ATP6V1A: variants seen among roughly 807,000 people sequenced by gnomAD.
The protein encoded by ATP6V1A is ATPase H+ transporting V1 subunit A, also known as V-type proton ATPase catalytic subunit A.
A neutral mutation model predicts 70.1 loss-of-function variants in ATP6V1A; 18 were observed. That is an observed-to-expected ratio of 0.26 (90% CI 0.18 to 0.38). The LOEUF (loss-of-function observed/expected upper bound fraction) is 0.38. ATP6V1A is among the 10% of genes least tolerant of loss of function. ATP6V1A has a pLI of 1.00. For missense variants in ATP6V1A, 424 were observed against 772.4 expected, an observed-to-expected ratio of 0.55 and a Z score of 5.35; for synonymous variants, 232 against 253.8, an observed-to-expected ratio of 0.91 and a Z score of 0.82.
Position 113,798,390 on chromosome 3 carries a change from A to G in ATP6V1A, c.1438A>G (p.Lys480Glu). The G allele has an allele frequency of 6.2e-7, 1 of 1,614,000 alleles. No individual in the cohort carries two copies. The highest frequency in any genetic ancestry group is 8.5e-7 in the Non-Finnish European group (1 of 1,179,926). The change falls in exon 12 of 15, where the codon AAG becomes GAG. Residue 480 changes from lysine (K) to glutamate (E), a missense_variant. Transcript: ENST00000273398. The part of the protein sequence containing the change: ...TEFVPLRTKA[K>E]EILQEEEDLA... ...GTTCGTTCCTCTGAGGACGAAAGCTAAGGAAATTCTGCAGGAAGAAGAAGA... is the reference window on the plus strand; with the variant it reads ...GTTCGTTCCTCTGAGGACGAAAGCTGAGGAAATTCTGCAGGAAGAAGAAGA...
At chr3:113,757,429 A>G (rs1375667373) in intron 1 of ATP6V1A, among the ~76,000 whole-genome samples, 1 of 152,258 alleles carries the variant, frequency 6.6e-6, no homozygotes, top group African/African-American at 2.4e-5. Flanking sequence ...ATTGAGCCAT[A>G]TCAACTTTGA....
At chr3:113,778,965 A>C in intron 2 of ATP6V1A, 130 bp downstream of exon 2, 87 of 560,918 alleles carry the variant, frequency 1.6e-4, no homozygotes, top group Middle Eastern at 5.1e-4. Context: ...AGGCGATCTC[A>C]TAGTGACTAT....
intron 6 of ATP6V1A, among the ~76,000 whole-genome samples, chr3:113,787,892 C>A (rs1472167137): frequency 1.3e-5 from 2 of 152,264 alleles, no homozygotes; most frequent in East Asian, 1.9e-4. Context: ...AAAGCGTAAA[C>A]CGTCTCCTAT....
At position 113,786,320 on chromosome 3, in the gene ATP6V1A, C is replaced by T. The variant is rs1359327569; in HGVS notation, c.653C>T (p.Thr218Ile). The T allele has an allele frequency of 6.2e-7, 1 of 1,613,676 alleles. No homozygotes were observed. The highest frequency in any genetic ancestry group is 8.5e-7 in the Non-Finnish European group (1 of 1,179,756). The stretch of plus-strand genomic sequence containing the variant: ...CCTGTACGTCAAGTTCGACCTGTCA[C>T]TGAGAAGCTGCCAGCCAATCATCCT... ...VWPVRQVRPV[T>I]EKLPANHPLL... The change falls in exon 6 of 15, where the codon ACT becomes ATT. Residue 218 changes from threonine (T) to isoleucine (I), a missense_variant. Thr to Ile is a moderately conservative substitution (Grantham distance 89). Around this residue, in one of 9 missense-constraint regions of ATP6V1A, gnomAD observed 22 missense variants for 45.6 expected, o/e 0.48. Coordinates refer to ENST00000273398, the MANE Select transcript of ATP6V1A (RefSeq NM_001690.4).
At chr3:113,795,809 T>C (rs1208390882) in intron 10 of ATP6V1A, 67 bp from the exon 11 acceptor site, 1 of 1,215,462 alleles carries the variant, frequency 8.2e-7, no homozygotes, top group East Asian at 2.5e-5. Flanking sequence ...TTTATATATA[T>C]GTTATTTTTC....
At chr3:113,797,836 A>T (rs1709169770) in intron 11 of ATP6V1A, among the ~76,000 whole-genome samples, 1 of 152,104 alleles carries the variant, frequency 6.6e-6, no homozygotes, top group Admixed American at 6.6e-5. Context: ...TGACCAGTGA[A>T]TTGTAGAATT....
chr3:113,806,101 C>T (rs563277664), intron 14 of ATP6V1A, among the ~76,000 whole-genome samples: 9 of 151,898 alleles, frequency 5.9e-5, no homozygotes, highest in African/African-American at 1.7e-4. Context: ...GTCGAAATCC[C>T]GTCTCTACAA....
At chr3:113,749,455 C>T (rs1399491175) in intron 1 of ATP6V1A, among the ~76,000 whole-genome samples, 1 of 152,108 alleles carries the variant, frequency 6.6e-6, no homozygotes, top group Admixed American at 6.5e-5. Flanking sequence ...GCCCTTGGCA[C>T]TTCTGGTTTT....
rs777283280 is a variant in ATP6V1A, at chr3:113,803,490, G to T, written c.1495-93G>T. The T allele has an allele frequency of 1.4e-4, 128 of 918,272 alleles. 2 individuals are homozygous for T. The highest frequency in any genetic ancestry group is 3.7e-5 in the Non-Finnish European group (22 of 589,222). The allele number at this position is 918,272 out of a possible 1,614,324, so 56.9% of individuals were successfully genotyped here. ...AATTTATTAACAATAGGTGATGGTGGAAACTATATAATAGTTTCTGCTTGT... is the reference window on the plus strand; with the variant it reads ...AATTTATTAACAATAGGTGATGGTGTAAACTATATAATAGTTTCTGCTTGT... On this transcript the variant is annotated intron_variant, in intron 12 of 14. Coordinates refer to ENST00000273398, the MANE Select transcript of ATP6V1A (RefSeq NM_001690.4).
chr3:113,783,052 C>A (rs1246410627), intron 3 of ATP6V1A, among the ~76,000 whole-genome samples: 2 of 152,168 alleles, frequency 1.3e-5, no homozygotes, highest in Non-Finnish European at 1.5e-5. Context: ...TGTTGTTGTT[C>A]TGAAAATTTT....
intron 3 of ATP6V1A, among the ~76,000 whole-genome samples, chr3:113,781,681 T>G (rs1234650890): frequency 2.0e-5 from 3 of 152,220 alleles, no homozygotes; most frequent in Non-Finnish European, 4.4e-5. Context: ...GGTACTCTTA[T>G]TTTAAGAAAT....
chr3:113,751,167 G>A (rs888517503), intron 1 of ATP6V1A, among the ~76,000 whole-genome samples: 2 of 151,914 alleles, frequency 1.3e-5, no homozygotes, highest in Non-Finnish European at 2.9e-5. Context: ...ATGCTTATAA[G>A]CTTAAAAATT....
At chr3:113,781,447 G>A (rs985556290) in intron 3 of ATP6V1A, among the ~76,000 whole-genome samples, 3 of 152,286 alleles carry the variant, frequency 2.0e-5, no homozygotes, top group East Asian at 3.9e-4. Context: ...CACCCTGGAG[G>A]TGGGAGGTTG....
At chr3:113,750,421 G>T (rs762903514) in intron 1 of ATP6V1A, among the ~76,000 whole-genome samples, 7 of 152,342 alleles carry the variant, frequency 4.6e-5, no homozygotes, top group Non-Finnish European at 1.0e-4. Context: ...GGTGGAGGTT[G>T]CAGTGAGCCA....
At chr3:113,789,674 G>T in intron 7 of ATP6V1A, 58 bp from the exon 8 acceptor site, 1 of 1,305,740 alleles carries the variant, frequency 7.7e-7, no homozygotes, top group Non-Finnish European at 1.1e-6. Context: ...GAAAAATAGG[G>T]AGGGCTAAAA....
At chr3:113,808,769 T>C (rs1709307701) in intron 14 of ATP6V1A, among the ~76,000 whole-genome samples, 1 of 152,158 alleles carries the variant, frequency 6.6e-6, no homozygotes, top group Non-Finnish European at 1.5e-5. Flanking sequence ...ATTGTGCACA[T>C]TGTTGAGGAT....
intron 1 of ATP6V1A, among the ~76,000 whole-genome samples, chr3:113,748,821 A>G (rs1206704131): frequency 6.6e-6 from 1 of 152,328 alleles, no homozygotes; most frequent in Non-Finnish European, 1.5e-5. Context: ...ACAATAGACT[A>G]ATGTATTGAT....
At chr3:113,789,911 A>G (rs1194452233) in intron 8 of ATP6V1A, 71 bp downstream of exon 8, 1 of 1,168,914 alleles carries the variant, frequency 8.6e-7, no homozygotes, top group Non-Finnish European at 1.3e-6. Flanking sequence ...AAACTTTTCT[A>G]AAGAGCTTTT....
chr3:113,781,001 CA>C, intron 2 of ATP6V1A, 48 bp from the exon 3 acceptor site: 1 of 1,544,310 alleles, frequency 6.5e-7, no homozygotes, highest in Non-Finnish European at 8.7e-7. Flanking sequence ...TGACTATTCA[CA>C]GAGCACTAGA....
Sources: allele counts gnomAD v4.1 joint callset (sites outside exome capture counted in the v4.1 genomes callset), GRCh38; gene constraint gnomAD v4.1.1; regional missense constraint gnomAD v4.1.1; transcripts MANE v1.5; gene names NCBI Gene and HGNC (gene_info 2026-07-23, HGNC 2026-07-21).